WDPCP: variants seen among roughly 807,000 people sequenced by gnomAD.
WDPCP encodes the protein WD repeat-containing and planar cell polarity effector protein fritz homolog.
In WDPCP, 71 loss-of-function variants were observed where a neutral mutation model predicts 93.1. The observed-to-expected ratio is 0.76, with a 90% CI of 0.63 to 0.93. WDPCP has a LOEUF of 0.93. Among genes scored for constraint, WDPCP ranks in the 40% least tolerant of loss-of-function variants. WDPCP has a pLI of 0.00. For missense variants in WDPCP, 844 were observed against 887.4 expected, an observed-to-expected ratio of 0.95 and a Z score of 0.62; for synonymous variants, 315 against 315.0, an observed-to-expected ratio of 1.00 and a Z score of 0.00.
At chr2:63,126,251 G>C (rs1029851650) in intron 17 of WDPCP, among the ~76,000 whole-genome samples, 2 of 152,092 alleles carry the variant, frequency 1.3e-5, no homozygotes, top group Non-Finnish European at 1.5e-5. Flanking sequence ...ACATTCTTGA[G>C]TGTGAATATA....
At chr2:63,298,608 T>C (rs1364590560) in intron 13 of WDPCP, among the ~76,000 whole-genome samples, 1 of 152,142 alleles carries the variant, frequency 6.6e-6, no homozygotes, top group Non-Finnish European at 1.5e-5. Context: ...TGGACTTACA[T>C]CAGTGGTTTG....
chr2:63,150,636 T>C (rs1299297274), intron 17 of WDPCP, among the ~76,000 whole-genome samples: 3 of 152,186 alleles, frequency 2.0e-5, no homozygotes, highest in African/African-American at 4.8e-5. Context: ...ATCCATCTCA[T>C]AGGTTTGTTG....
chr2:63,336,754 G>A (rs942190300), intron 12 of WDPCP, among the ~76,000 whole-genome samples: 2 of 151,438 alleles, frequency 1.3e-5, no homozygotes, highest in Admixed American at 1.3e-4. Context: ...TACATATAAA[G>A]TTACCACCTT....
chr2:63,683,292 C>A (rs900739896), intron 2 of WDPCP, among the ~76,000 whole-genome samples: 1 of 152,020 alleles, frequency 6.6e-6, no homozygotes, highest in Non-Finnish European at 1.5e-5. Context: ...AATAAAAAGA[C>A]ATAGGGTGGC....
intron 2 of WDPCP, among the ~76,000 whole-genome samples, chr2:63,715,082 T>C (rs1301773878): frequency 1.3e-5 from 2 of 152,274 alleles, no homozygotes; most frequent in African/African-American, 2.4e-5. Context: ...ATTCCATTTA[T>C]ATGAAATATC....
chr2:63,540,732 T>C (rs1257148533), intron 1 of WDPCP, among the ~76,000 whole-genome samples: 1 of 152,134 alleles, frequency 6.6e-6, no homozygotes, highest in East Asian at 1.9e-4. Context: ...GGATCCATTT[T>C]GATATAGTGG....
At chr2:63,752,501 A>G (rs539299381) in intron 2 of WDPCP, 2 of 756,192 alleles carry the variant, frequency 2.6e-6, no homozygotes, top group South Asian at 1.4e-5. Context: ...GGGATCTCTC[A>G]TGACCACACA....
chr2:63,241,139 A>T (rs1852909), intron 14 of WDPCP, among the ~76,000 whole-genome samples: 135,743 of 152,206 alleles, frequency 0.89, 60,714 homozygotes, highest in South Asian at 0.94. Context: ...ACTTAATAAG[A>T]TTACTGAAAA....
intron 2 of WDPCP, among the ~76,000 whole-genome samples, chr2:63,702,070 G>A (rs1164054938): frequency 1.3e-5 from 2 of 152,138 alleles, no homozygotes; most frequent in Non-Finnish European, 2.9e-5. Flanking sequence ...TTGTTGCCCA[G>A]GCTGGAGTGC....
intron 2 of WDPCP, among the ~76,000 whole-genome samples, chr2:63,742,206 TA>T (rs1292287414): frequency 1.3e-5 from 2 of 149,420 alleles, no homozygotes; most frequent in Non-Finnish European, 3.0e-5. Flanking sequence ...GTTCTTTCTG[TA>T]AAAAGATAAA....
rs1019205986 is a variant in WDPCP at position 63,121,771 on chromosome 2, A to G, written c.*235T>C. On this transcript the variant is annotated 3_prime_UTR_variant, in exon 18 of 18. Coordinates refer to ENST00000272321, the MANE Select transcript of WDPCP (RefSeq NM_015910.7). ...ATTTAAGACACTTTCAAAATTTTACATTATTGAAAATAAGTAGGTTGAAGA... is the reference window on the plus strand; with the variant it reads ...ATTTAAGACACTTTCAAAATTTTACGTTATTGAAAATAAGTAGGTTGAAGA... 53 of 1,083,592 alleles carry G rather than the reference A, an allele frequency of 4.9e-5. No homozygotes were observed. Among genetic ancestry groups the G allele is most frequent in the Non-Finnish European group, 6.4e-5 (52 of 808,324 alleles). The allele number at this position is 1,083,592 out of a possible 1,614,324, so 67.1% of individuals were successfully genotyped here.
At chr2:63,414,752 A>G (rs1695286085) in intron 9 of WDPCP, among the ~76,000 whole-genome samples, 1 of 152,180 alleles carries the variant, frequency 6.6e-6, no homozygotes, top group Non-Finnish European at 1.5e-5. Flanking sequence ...AGAAGCGATA[A>G]AAGACTACAA....
intron 14 of WDPCP, among the ~76,000 whole-genome samples, chr2:63,178,939 TC>T (rs1461377273): frequency 6.6e-6 from 1 of 152,138 alleles, no homozygotes; most frequent in East Asian, 1.9e-4. Context: ...TGAGATGTAA[TC>T]CCCAGTGTTG....
chr2:63,254,574 G>T (rs1199711056), intron 14 of WDPCP, among the ~76,000 whole-genome samples: 1 of 151,908 alleles, frequency 6.6e-6, no homozygotes, highest in African/African-American at 2.4e-5. Context: ...AAGAAATAAT[G>T]GAGAAGTCCC....
chr2:63,673,147 C>T (rs968150921), intron 2 of WDPCP, among the ~76,000 whole-genome samples: 1 of 152,042 alleles, frequency 6.6e-6, no homozygotes, highest in African/African-American at 2.4e-5. Context: ...GCATAAGGTA[C>T]CTAAGTGCTT....
chr2:63,630,372 C>T lies in WDPCP; in HGVS notation n.488+20287G>A, dbSNP rs553483142. Among the ~76,000 whole-genome samples, 3 of 152,180 alleles carry T rather than the reference C, an allele frequency of 2.0e-5. 1 individual carries two copies. In the South Asian group the frequency reaches 6.2e-4, roughly 32 times the overall value. ...GGGATTTAAAAAGATGACCTAACTA[C>T]ATACAGTCTACAAGAAACTTACTTC... On this transcript the variant is annotated intron_variant and non_coding_transcript_variant, in intron 3 of 4. Transcript: ENST00000467687.
At chr2:63,629,266 G>A (rs574203150) in intron 3 of WDPCP, among the ~76,000 whole-genome samples, 130 of 152,306 alleles carry the variant, frequency 8.5e-4, no homozygotes, top group African/African-American at 3.0e-3. Flanking sequence ...GAAAAGAACT[G>A]TAACCCCATC....
intron 6 of WDPCP, among the ~76,000 whole-genome samples, chr2:63,479,257 TATTCAAAGAAGAATTGGTA>T (rs1427586585): frequency 6.6e-6 from 1 of 152,010 alleles, no homozygotes; most frequent in African/African-American, 2.4e-5. Context: ...TTCTATCAGA[TATTCAAAGAAGAATTGGTA>T]TCAATCCTAT....
intron 6 of WDPCP, among the ~76,000 whole-genome samples, chr2:63,456,789 G>C (rs1357168915): frequency 6.6e-6 from 1 of 152,124 alleles, no homozygotes; most frequent in Non-Finnish European, 1.5e-5. Flanking sequence ...GGCTGAGGCA[G>C]GCGAATCACT....
Sources: gnomAD v4.1 joint callset for allele counts (sites outside exome capture counted in the v4.1 genomes callset) on GRCh38, gnomAD v4.1.1 for gene constraint, MANE v1.5 for transcripts, NCBI Gene and HGNC (gene_info 2026-07-23, HGNC 2026-07-21) for gene names.